GABRB1: variants seen among roughly 807,000 people sequenced by gnomAD.
The protein encoded by GABRB1 is gamma-aminobutyric acid type A receptor subunit beta1, also known as gamma-aminobutyric acid receptor subunit beta-1.
In GABRB1, 17 loss-of-function variants were observed where a neutral mutation model predicts 51.6. The observed-to-expected ratio is 0.33, with a 90% CI of 0.23 to 0.49. The LOEUF (loss-of-function observed/expected upper bound fraction) is 0.49, where lower values mean the gene tolerates loss of function less well. GABRB1 is among the 20% of genes least tolerant of loss of function. GABRB1 has a pLI of 0.99. For synonymous variants in GABRB1, 247 were observed against 218.9 expected (o/e 1.13, Z -1.14); for missense variants, 410 against 600.6 (o/e 0.68, Z 3.32).
At chr4:47,216,323 C>T (rs2044081) in intron 4 of GABRB1, among the ~76,000 whole-genome samples, 20,335 of 151,724 alleles carry the variant, frequency 0.13, 1,525 homozygotes, top group Non-Finnish European at 0.15. Context: ...TGAGACCAAT[C>T]ATAAAGTGAC....
At chr4:47,218,915 C>A (rs1279271367) in intron 4 of GABRB1, among the ~76,000 whole-genome samples, 2 of 151,844 alleles carry the variant, frequency 1.3e-5, no homozygotes, top group African/African-American at 2.4e-5. Flanking sequence ...GGCAAATAGA[C>A]CCAAAATATT....
At chr4:47,215,802 A>T (rs1420397060) in intron 4 of GABRB1, among the ~76,000 whole-genome samples, 1 of 152,118 alleles carries the variant, frequency 6.6e-6, no homozygotes, top group Non-Finnish European at 1.5e-5. Flanking sequence ...CAATGTATAG[A>T]TGCTCAAACA....
At chr4:47,355,623 C>T (rs954906616) in intron 5 of GABRB1, among the ~76,000 whole-genome samples, 9 of 152,174 alleles carry the variant, frequency 5.9e-5, no homozygotes, top group Non-Finnish European at 1.3e-4. Context: ...CTTTTGCCTC[C>T]CTGTCTTTGG....
chr4:47,177,844 G>A (rs991057953), intron 4 of GABRB1, among the ~76,000 whole-genome samples: 18 of 120,468 alleles, frequency 1.5e-4, no homozygotes, highest in African/African-American at 5.6e-4. Flanking sequence ...TCATGTTTCT[G>A]TTTGTTTTTT....
chr4:47,177,359 C>T (rs181956421), intron 4 of GABRB1, among the ~76,000 whole-genome samples: 1 of 152,034 alleles, frequency 6.6e-6, no homozygotes, highest in Non-Finnish European at 1.5e-5. Context: ...AGAAGAGGGG[C>T]CTGAAAAAGA....
chr4:47,116,956 C>T (rs922453805), intron 3 of GABRB1, among the ~76,000 whole-genome samples: 6 of 152,046 alleles, frequency 3.9e-5, no homozygotes, highest in Non-Finnish European at 7.4e-5. Flanking sequence ...ATAACCAGAT[C>T]TCATGAGAAC....
At chr4:47,028,035 TA>T (rs945264323), upstream of GABRB1, among the ~76,000 whole-genome samples, 53 of 151,898 alleles carry the variant, frequency 3.5e-4, no homozygotes, top group African/African-American at 1.3e-3. Context: ...TACTTAAGGT[TA>T]AACCATTTTA....
chr4:47,254,382 T>G (rs1473733581), intron 4 of GABRB1, among the ~76,000 whole-genome samples: 6 of 132,902 alleles, frequency 4.5e-5, no homozygotes, highest in African/African-American at 1.7e-4. Flanking sequence ...TTTTTTTTTT[T>G]TTTTTTTTTT....
At chr4:47,023,568 T>G (rs1242311484) in intron 1 of GABRB1, among the ~76,000 whole-genome samples, 1 of 152,000 alleles carries the variant, frequency 6.6e-6, no homozygotes, top group Non-Finnish European at 1.5e-5. Context: ...AATAACACAT[T>G]CCTGTAAAAT....
chr4:47,172,283 A>G (rs1208015622), intron 4 of GABRB1, among the ~76,000 whole-genome samples: 1 of 152,196 alleles, frequency 6.6e-6, no homozygotes, highest in Non-Finnish European at 1.5e-5. Flanking sequence ...TTATTTTTGT[A>G]TATCAATCTA....
chr4:47,164,065 C>CA (rs35043887), intron 4 of GABRB1, among the ~76,000 whole-genome samples: 87 of 151,256 alleles, frequency 5.8e-4, no homozygotes, highest in Non-Finnish European at 2.4e-4. Context: ...CCATACTTAC[C>CA]AAAAAAAACA....
At chr4:47,155,277 G>C (rs1039212163) in intron 3 of GABRB1, among the ~76,000 whole-genome samples, 3 of 152,074 alleles carry the variant, frequency 2.0e-5, no homozygotes, top group Non-Finnish European at 4.4e-5. Context: ...ACGAAGGGCA[G>C]ATCTCAGAGC....
intron 3 of GABRB1, among the ~76,000 whole-genome samples, chr4:47,092,815 ATCTTGGCCAGGCTGC>A (rs1728385156): frequency 6.6e-6 from 1 of 151,992 alleles, no homozygotes; most frequent in African/African-American, 2.4e-5. Context: ...TGGTTTCGCC[ATCTTGGCCAGGCTGC>A]TCTTGAACTC....
chr4:47,061,309 G>T (rs149053385), intron 3 of GABRB1, among the ~76,000 whole-genome samples: 19 of 152,240 alleles, frequency 1.2e-4, no homozygotes, highest in African/African-American at 4.3e-4. Context: ...TGGATCATTG[G>T]TCTTTTCATG....
At chr4:47,265,647 G>C (rs936292139) in intron 4 of GABRB1, among the ~76,000 whole-genome samples, 4 of 152,136 alleles carry the variant, frequency 2.6e-5, no homozygotes, top group African/African-American at 4.8e-5. Flanking sequence ...ACTGGTGTAA[G>C]ATGGTATCTC....
chr4:47,197,472 T>C (rs1413789803), intron 4 of GABRB1, among the ~76,000 whole-genome samples: 2 of 152,210 alleles, frequency 1.3e-5, no homozygotes, highest in Non-Finnish European at 2.9e-5. Flanking sequence ...TGTTGGTGTT[T>C]CCTTACTATT....
chr4:47,156,608 T>C (rs1717711346), intron 3 of GABRB1, among the ~76,000 whole-genome samples: 1 of 152,058 alleles, frequency 6.6e-6, no homozygotes, highest in South Asian at 2.1e-4. Flanking sequence ...AAAGAGTGAC[T>C]TTTGTTTAAC....
chr4:47,363,519 T>C (rs1477626535), intron 5 of GABRB1, among the ~76,000 whole-genome samples: 2 of 152,068 alleles, frequency 1.3e-5, no homozygotes, highest in African/African-American at 4.8e-5. Context: ...GAGGGAGACA[T>C]GACCACTCTC....
chr4:47,258,956 C>A (rs763289296), intron 4 of GABRB1, among the ~76,000 whole-genome samples: 1 of 152,018 alleles, frequency 6.6e-6, no homozygotes, highest in Non-Finnish European at 1.5e-5. Context: ...ATATCCCTAC[C>A]CAAATTTCTG....
Sources: allele counts gnomAD v4.1 joint callset (sites outside exome capture counted in the v4.1 genomes callset), GRCh38; gene constraint gnomAD v4.1.1; transcripts MANE v1.5; gene names NCBI Gene and HGNC (gene_info 2026-07-23, HGNC 2026-07-21).